PHACTR1: variants seen among roughly 807,000 people sequenced by gnomAD.
The protein encoded by PHACTR1 is RPEL repeat containing 1.
PHACTR1 carries 16 observed loss-of-function variants against 69.2 expected under a neutral mutation model. The ratio of observed to expected loss-of-function variants is 0.23; its 90% CI spans 0.16 to 0.35. PHACTR1 has a LOEUF of 0.35. Ranked by LOEUF, PHACTR1 falls within the 10% of genes least tolerant of loss-of-function variation. PHACTR1 has a pLI of 1.00. For synonymous variants in PHACTR1, 312 were observed against 284.5 expected (o/e 1.10, Z -0.97); for missense variants, 510 against 734.7 (o/e 0.69, Z 3.54).
At chr6:13,182,903 T>C (rs1212667245) in intron 7 of PHACTR1, among the ~76,000 whole-genome samples, 1 of 152,238 alleles carries the variant, frequency 6.6e-6, no homozygotes, top group Non-Finnish European at 1.5e-5. Context: ...TAAAAAACTC[T>C]TTACTACCTT....
intron 4 of PHACTR1, among the ~76,000 whole-genome samples, chr6:12,816,139 T>G (rs1387634635): frequency 6.6e-6 from 1 of 152,226 alleles, no homozygotes; most frequent in African/African-American, 2.4e-5. Context: ...TGGAACTGCA[T>G]AAAAGGCTCT....
chr6:12,918,726 A>G (rs1412266778), intron 4 of PHACTR1, among the ~76,000 whole-genome samples: 1 of 152,214 alleles, frequency 6.6e-6, no homozygotes, highest in Non-Finnish European at 1.5e-5. Flanking sequence ...CCATTGCGAC[A>G]CATTATAAAT....
rs147732283 is a variant in PHACTR1, at chr6:13,000,660, GGGAAGGAAGGAA to G, written c.251-52685_251-52674del. ...AGGAAGGGGGGAGGGAGGGAGGAAG[GGGAAGGAAGGAA>G]GGAAGGAAGGAAGGAAGGAGAGAAA... is the stretch of plus-strand genomic sequence containing the variant. On this transcript the variant is annotated intron_variant, in intron 4 of 14. Coordinates refer to ENST00000332995, the MANE Select transcript of PHACTR1 (RefSeq NM_030948.6). 8.7e-4 allele frequency among the ~76,000 whole-genome samples: 112 copies of G among 128,406 alleles called. 1 individual carries two copies. The highest frequency in any genetic ancestry group is 1.6e-3 in the Non-Finnish European group (101 of 63,692). 84.2% of individuals were successfully genotyped at this position (128,406 alleles called of 152,430 possible). A position where few individuals can be genotyped will look rare whatever the true frequency, so the allele number is the denominator to read the frequency against.
intron 4 of PHACTR1, among the ~76,000 whole-genome samples, chr6:13,024,826 C>G (rs970009356): frequency 6.6e-6 from 1 of 152,176 alleles, no homozygotes; most frequent in Non-Finnish European, 1.5e-5. Flanking sequence ...TACTGGACCC[C>G]TCCCATCCTT....
intron 4 of PHACTR1, among the ~76,000 whole-genome samples, chr6:12,916,739 A>G (rs1488242800): frequency 6.6e-6 from 1 of 152,188 alleles, no homozygotes; most frequent in Non-Finnish European, 1.5e-5. Flanking sequence ...GGAGACAAAA[A>G]TAGATCAAAA....
chr6:12,915,534 A>C (rs1562007624), intron 4 of PHACTR1, among the ~76,000 whole-genome samples: 5 of 151,572 alleles, frequency 3.3e-5, no homozygotes, highest in Non-Finnish European at 1.5e-5. Flanking sequence ...AAAAAAAAAA[A>C]ACAGGAGGAG....
intron 5 of PHACTR1, among the ~76,000 whole-genome samples, chr6:13,155,061 G>A (rs1278237283): frequency 6.6e-6 from 1 of 152,070 alleles, no homozygotes; most frequent in Non-Finnish European, 1.5e-5. Context: ...GCAGTGTTGA[G>A]CTTGTCCTAG....
At chr6:13,248,536 C>T (rs1773909203) in intron 10 of PHACTR1, among the ~76,000 whole-genome samples, 1 of 152,106 alleles carries the variant, frequency 6.6e-6, no homozygotes, top group South Asian at 2.1e-4. Flanking sequence ...TTTCAAACTG[C>T]CTGTTTGGCA....
At chr6:12,866,109 G>A (rs1329465044) in intron 4 of PHACTR1, among the ~76,000 whole-genome samples, 1 of 152,130 alleles carries the variant, frequency 6.6e-6, no homozygotes, top group African/African-American at 2.4e-5. Flanking sequence ...ATGGTACTCA[G>A]CAAATTTCAG....
intron 4 of PHACTR1, among the ~76,000 whole-genome samples, chr6:12,999,947 AT>A (rs1797882671): frequency 6.6e-6 from 1 of 152,188 alleles, no homozygotes; most frequent in Non-Finnish European, 1.5e-5. Flanking sequence ...TATATTCATC[AT>A]TTTTTGTCTT....
chr6:12,997,359 T>C (rs992070429), intron 4 of PHACTR1, among the ~76,000 whole-genome samples: 3 of 147,800 alleles, frequency 2.0e-5, no homozygotes, highest in Non-Finnish European at 3.0e-5. Flanking sequence ...CTATATTATA[T>C]ATAAGTAAAT....
chr6:13,077,488 A>G (rs1434201297), intron 5 of PHACTR1, among the ~76,000 whole-genome samples: 2 of 152,220 alleles, frequency 1.3e-5, no homozygotes. Flanking sequence ...AAACAAAGGC[A>G]CAGATCAGAA....
intron 4 of PHACTR1, among the ~76,000 whole-genome samples, chr6:12,923,038 C>T (rs1787889185): frequency 6.6e-6 from 1 of 152,138 alleles, no homozygotes; most frequent in East Asian, 1.9e-4. Flanking sequence ...ATTCTGATTG[C>T]AAAAATCCCC....
chr6:12,958,719 G>A (rs1372652870), intron 4 of PHACTR1, among the ~76,000 whole-genome samples: 1 of 152,176 alleles, frequency 6.6e-6, no homozygotes, highest in African/African-American at 2.4e-5. Flanking sequence ...TTGGCCCCAT[G>A]AGCTGCTCTA....
At chr6:12,818,702 A>G (rs1460698892) in intron 4 of PHACTR1, among the ~76,000 whole-genome samples, 1 of 152,228 alleles carries the variant, frequency 6.6e-6, no homozygotes, top group East Asian at 1.9e-4. Flanking sequence ...AAAAAATCAA[A>G]ACCTTTAGGA....
At chr6:13,109,702 T>G (rs952180026) in intron 5 of PHACTR1, among the ~76,000 whole-genome samples, 7 of 152,110 alleles carry the variant, frequency 4.6e-5, no homozygotes, top group Non-Finnish European at 8.8e-5. Flanking sequence ...TTTATAAATT[T>G]TAACCATTAT....
intron 4 of PHACTR1, among the ~76,000 whole-genome samples, chr6:12,913,357 C>T (rs1461807869): frequency 1.3e-5 from 2 of 152,198 alleles, no homozygotes; most frequent in Non-Finnish European, 2.9e-5. Context: ...CCCACGACCC[C>T]GTTGCTGCAA....
chr6:13,090,101 C>T (rs1408272948), intron 5 of PHACTR1, among the ~76,000 whole-genome samples: 1 of 152,130 alleles, frequency 6.6e-6, no homozygotes, highest in African/African-American at 2.4e-5. Flanking sequence ...GTTGCCTAGG[C>T]TGGAGTGTAA....
intron 10 of PHACTR1, among the ~76,000 whole-genome samples, chr6:13,238,585 A>C (rs1383016645): frequency 6.6e-6 from 1 of 152,222 alleles, no homozygotes; most frequent in Non-Finnish European, 1.5e-5. Flanking sequence ...AAGAGAGAAA[A>C]TTGAAATCCA....
Sources: allele counts gnomAD v4.1 joint callset (sites outside exome capture counted in the v4.1 genomes callset), GRCh38; gene constraint gnomAD v4.1.1; transcripts MANE v1.5; gene names NCBI Gene and HGNC (gene_info 2026-07-23, HGNC 2026-07-21).